The following COL22A1 variants were observed in gnomAD, a reference collection of about 807,000 sequenced individuals.
The protein encoded by COL22A1 is collagen type XXII alpha 1 chain.
Under a neutral mutation model 248.9 loss-of-function variants are expected in COL22A1, and 221 were observed. The ratio of observed to expected loss-of-function variants is 0.89; its 90% CI spans 0.80 to 0.99. The LOEUF is 0.99. Among genes scored for constraint, COL22A1 ranks in the 50% least tolerant of loss-of-function variants. The pLI is 0.00. For missense variants in COL22A1, 2,240 were observed against 2,179.0 expected (o/e 1.03, Z -0.56); for synonymous variants, 891 against 793.4 (o/e 1.12, Z -2.07).
intron 41 of COL22A1, among the ~76,000 whole-genome samples, chr8:138,669,405 C>CCA (rs1434314818): frequency 6.6e-6 from 1 of 152,172 alleles, no homozygotes; most frequent in African/African-American, 2.4e-5. Context: ...ATGTCCGGTA[C>CCA]CAAGAAGCCT....
At chr8:138,640,282 T>C (rs182499275) in intron 47 of COL22A1, among the ~76,000 whole-genome samples, 475 of 152,334 alleles carry the variant, frequency 3.1e-3, no homozygotes, top group African/African-American at 0.01. Flanking sequence ...AACAATCATT[T>C]GGAAGGTACA....
At chr8:138,813,494 C>T (rs796076070) in intron 7 of COL22A1, among the ~76,000 whole-genome samples, 37 of 152,226 alleles carry the variant, frequency 2.4e-4, no homozygotes, top group African/African-American at 8.2e-4. Context: ...CATATGGAAC[C>T]GTGAGTCAAT....
intron 63 of COL22A1, among the ~76,000 whole-genome samples, chr8:138,593,752 C>T (rs942095462): frequency 6.6e-6 from 1 of 152,208 alleles, no homozygotes; most frequent in Non-Finnish European, 1.5e-5. Context: ...CTCCCTGAAA[C>T]TTGAGCAGCG....
rs575873180 is a variant in COL22A1 at position 138,719,190 on chromosome 8, G to A, written c.2355+1549C>T. On this transcript the variant is annotated intron_variant, in intron 27 of 64. Coordinates refer to ENST00000303045, the MANE Select transcript of COL22A1 (RefSeq NM_152888.3). ...TCAATCAAACACTGAAAGGTGGCCC[G>A]AGTACTTTTAAGACCATGTGATTCA... 2.2e-4 allele frequency among the ~76,000 whole-genome samples: 33 copies of A among 152,060 alleles called. No individual in the cohort carries two copies. In the South Asian group the frequency reaches 5.4e-3, roughly 25 times the overall value.
chr8:138,819,666 CTATA>C (rs1239441978), intron 7 of COL22A1, among the ~76,000 whole-genome samples: 1 of 147,000 alleles, frequency 6.8e-6, no homozygotes, highest in Non-Finnish European at 1.5e-5. Context: ...TAAACATTAT[CTATA>C]TAATTTATGT....
intron 32 of COL22A1, among the ~76,000 whole-genome samples, chr8:138,697,643 G>C (rs546738956): frequency 6.6e-6 from 1 of 152,114 alleles, no homozygotes; most frequent in Non-Finnish European, 1.5e-5. Flanking sequence ...AAAATGAGTC[G>C]GGCTTCTCCC....
At chr8:138,858,627 A>T (rs1822221317) in intron 3 of COL22A1, among the ~76,000 whole-genome samples, 1 of 152,124 alleles carries the variant, frequency 6.6e-6, no homozygotes, top group South Asian at 2.1e-4. Flanking sequence ...ATTACCCTCC[A>T]AACCCTGAGC....
intron 4 of COL22A1, among the ~76,000 whole-genome samples, chr8:138,842,615 G>C (rs917816766): frequency 6.6e-6 from 1 of 152,198 alleles, no homozygotes; most frequent in Non-Finnish European, 1.5e-5. Context: ...TGACCAGAAG[G>C]TTTACACCTT....
At chr8:138,842,556 G>T (rs1312457710) in intron 4 of COL22A1, among the ~76,000 whole-genome samples, 1 of 152,332 alleles carries the variant, frequency 6.6e-6, no homozygotes, top group South Asian at 2.1e-4. Flanking sequence ...GAGAGCCAGA[G>T]CCTCGCTGGG....
At chr8:138,648,109 G>T (rs932107888) in intron 46 of COL22A1, among the ~76,000 whole-genome samples, 2 of 152,162 alleles carry the variant, frequency 1.3e-5, no homozygotes, top group Non-Finnish European at 2.9e-5. Context: ...ATCAAATAAA[G>T]GCCTGTTTTT....
chr8:138,729,723 G>A (rs1290886198), intron 23 of COL22A1, among the ~76,000 whole-genome samples: 5 of 152,168 alleles, frequency 3.3e-5, no homozygotes, highest in Non-Finnish European at 7.3e-5. Context: ...CAGCCCTCAG[G>A]ATCCAGCTGC....
At chr8:138,625,047 T>C (rs1820125432) in intron 51 of COL22A1, among the ~76,000 whole-genome samples, 1 of 152,222 alleles carries the variant, frequency 6.6e-6, no homozygotes, top group Non-Finnish European at 1.5e-5. Context: ...CAAACAGAGT[T>C]GTTTGTTGAA....
chr8:138,910,134 A>G (rs1379989487), intron 1 of COL22A1, among the ~76,000 whole-genome samples: 1 of 152,236 alleles, frequency 6.6e-6, no homozygotes, highest in African/African-American at 2.4e-5. Flanking sequence ...AGGAATGGTC[A>G]TGTCATATGA....
chr8:138,723,525 G>A (rs1472254268), intron 25 of COL22A1, among the ~76,000 whole-genome samples: 3 of 152,172 alleles, frequency 2.0e-5, no homozygotes, highest in Non-Finnish European at 4.4e-5. Context: ...CCCCTCCTCT[G>A]AATGTTCACA....
chr8:138,620,989 CCATCCACCCAT>C (rs1564106679), intron 52 of COL22A1, among the ~76,000 whole-genome samples: 1,976 of 125,230 alleles, frequency 0.016, 44 homozygotes, highest in African/African-American at 0.052. Context: ...ATCCATCCAT[CCATCCACCCAT>C]CCATCCATCC....
chr8:138,903,930 C>T (rs991875514), intron 1 of COL22A1, among the ~76,000 whole-genome samples: 3 of 152,098 alleles, frequency 2.0e-5, no homozygotes, highest in Non-Finnish European at 4.4e-5. Context: ...TGTGGGGGAT[C>T]CTGATGCACA....
intron 12 of COL22A1, among the ~76,000 whole-genome samples, chr8:138,790,717 C>T (rs1232033500): frequency 1.3e-5 from 2 of 152,210 alleles, no homozygotes; most frequent in Non-Finnish European, 2.9e-5. Context: ...CCTGGCTTCT[C>T]TGTGACTGCA....
intron 1 of COL22A1, among the ~76,000 whole-genome samples, chr8:138,899,494 C>T (rs79154715): frequency 0.031 from 4,690 of 152,118 alleles, 238 homozygotes; most frequent in African/African-American, 0.11. Flanking sequence ...TTTGAACTTG[C>T]GTGCATTAAT....
intron 32 of COL22A1, among the ~76,000 whole-genome samples, chr8:138,696,434 G>A (rs1827508289): frequency 6.8e-6 from 1 of 147,774 alleles, no homozygotes; most frequent in African/African-American, 2.6e-5. Flanking sequence ...AGAGTCTAAT[G>A]TCTACATTAG....
Sources: allele counts gnomAD v4.1 joint callset (sites outside exome capture counted in the v4.1 genomes callset), GRCh38; gene constraint gnomAD v4.1.1; transcripts MANE v1.5; gene names NCBI Gene and HGNC (gene_info 2026-07-23, HGNC 2026-07-21).